Variants in OPCML observed in about 807,000 individuals in gnomAD.
The protein encoded by OPCML is opioid-binding protein/cell adhesion molecule.
Under a neutral mutation model 37.8 loss-of-function variants are expected in OPCML, and 13 were observed. The ratio of observed to expected loss-of-function variants is 0.34; its 90% CI spans 0.22 to 0.55. The LOEUF is 0.55. Among genes scored for constraint, OPCML ranks in the 20% least tolerant of loss-of-function variants. The pLI is 0.91. For missense variants in OPCML, 341 were observed against 435.6 expected, an observed-to-expected ratio of 0.78 and a Z score of 1.93; for synonymous variants, 176 against 168.8, an observed-to-expected ratio of 1.04 and a Z score of -0.33.
At chr11:132,780,773 TC>T (rs1178766673) in intron 2 of OPCML, among the ~76,000 whole-genome samples, 1 of 152,202 alleles carries the variant, frequency 6.6e-6, no homozygotes, top group African/African-American at 2.4e-5. Context: ...CTGAATTATT[TC>T]ATTTATATTT....
chr11:132,807,023 G>A (rs917922990), intron 2 of OPCML, among the ~76,000 whole-genome samples: 17 of 152,078 alleles, frequency 1.1e-4, no homozygotes, highest in South Asian at 4.1e-4. Context: ...TGCCCCTAAC[G>A]GAATGCTCGC....
chr11:132,465,359 G>A (rs989201769), intron 4 of OPCML, among the ~76,000 whole-genome samples: 41 of 152,136 alleles, frequency 2.7e-4, no homozygotes, highest in African/African-American at 9.6e-4. Flanking sequence ...TCACAACAAA[G>A]CCACATGTTA....
intron 1 of OPCML, among the ~76,000 whole-genome samples, chr11:133,517,152 C>T (rs1948296884): frequency 6.6e-6 from 1 of 152,220 alleles, no homozygotes; most frequent in Non-Finnish European, 1.5e-5. Flanking sequence ...TGCTTGTCCT[C>T]AAGGGTCCTC....
chr11:132,474,157 A>G (rs1198135014), intron 4 of OPCML, among the ~76,000 whole-genome samples: 2 of 152,168 alleles, frequency 1.3e-5, no homozygotes, highest in South Asian at 2.1e-4. Context: ...AATCATATTC[A>G]TAAAATCATA....
chr11:132,831,816 G>C (rs1375540460), intron 2 of OPCML, among the ~76,000 whole-genome samples: 1 of 151,918 alleles, frequency 6.6e-6, no homozygotes, highest in Non-Finnish European at 1.5e-5. Flanking sequence ...TGTGGCAATA[G>C]AGATCTTTAT....
At chr11:133,059,788 C>T (rs1298112750) in intron 1 of OPCML, among the ~76,000 whole-genome samples, 3 of 152,040 alleles carry the variant, frequency 2.0e-5, no homozygotes, top group East Asian at 1.9e-4. Flanking sequence ...GAAGGATGGA[C>T]GATGTGTTAT....
At chr11:133,333,367 G>A (rs911841491) in intron 1 of OPCML, among the ~76,000 whole-genome samples, 2 of 150,332 alleles carry the variant, frequency 1.3e-5, no homozygotes, top group African/African-American at 4.9e-5. Flanking sequence ...TTTTAACAAA[G>A]CTGACAAAAA....
At chr11:133,156,474 C>A (rs894083954) in intron 1 of OPCML, among the ~76,000 whole-genome samples, 9 of 152,222 alleles carry the variant, frequency 5.9e-5, no homozygotes, top group Non-Finnish European at 1.2e-4. Flanking sequence ...AGAGACCAGC[C>A]AGCTGAGCAC....
chr11:132,546,852 T>C (rs1460814474), intron 3 of OPCML, among the ~76,000 whole-genome samples: 2 of 152,218 alleles, frequency 1.3e-5, no homozygotes, highest in Non-Finnish European at 2.9e-5. Context: ...TCTCATACAC[T>C]GCACATTGCA....
rs149155415 is a variant in OPCML, at chr11:132,648,650, C to T, written c.379+8437G>A. Among the ~76,000 whole-genome samples the T allele has an allele frequency of 1.8e-4, 27 of 152,042 alleles. 1 individual carries two copies. The South Asian group carries it at 4.0e-3, about 22-fold the overall frequency. On this transcript the variant is annotated intron_variant, in intron 3 of 7. Transcript: ENST00000524381. The stretch of plus-strand genomic sequence containing the variant: ...CTGAGTAGCTGGGACTACGGGCGCA[C>T]GCCACCATGCCCAGCTAATTTTTTC...
intron 2 of OPCML, among the ~76,000 whole-genome samples, chr11:132,775,326 C>T (rs180780331): frequency 1.1e-4 from 16 of 152,254 alleles, no homozygotes; most frequent in Admixed American, 5.9e-4. Flanking sequence ...ATTTGCATTG[C>T]GTGATTATAA....
At chr11:132,818,344 G>A (rs1293864133) in intron 2 of OPCML, among the ~76,000 whole-genome samples, 1 of 151,774 alleles carries the variant, frequency 6.6e-6, no homozygotes, top group Non-Finnish European at 1.5e-5. Context: ...TTAAATCAGT[G>A]GGCTTTGAGC....
chr11:132,526,831 A>G (rs1193232217), intron 4 of OPCML, among the ~76,000 whole-genome samples: 1 of 152,096 alleles, frequency 6.6e-6, no homozygotes, highest in African/African-American at 2.4e-5. Flanking sequence ...AACCTTCAAG[A>G]TACAGAACTT....
In OPCML at chr11:133,208,836, C is replaced by A. The variant is rs1021151721; in HGVS notation, c.62-265826G>T. ...AAGACTTCATTCCCTATAAATCACG[C>A]TATTCCATGACTACCTATTCTAACT... On this transcript the variant is annotated intron_variant, in intron 1 of 7. Transcript: ENST00000524381. This position sits in a 1 kb window ranked among gnomAD's most constrained non-coding sequence, Gnocchi z 8.9. Among the ~76,000 whole-genome samples the A allele has an allele frequency of 1.3e-5, 2 of 152,184 alleles. No homozygotes were observed. Among genetic ancestry groups the A allele is most frequent in the African/African-American group, 4.8e-5 (2 of 41,434 alleles).
At chr11:132,900,540 T>G (rs920669365) in intron 2 of OPCML, among the ~76,000 whole-genome samples, 1 of 152,162 alleles carries the variant, frequency 6.6e-6, no homozygotes, top group Non-Finnish European at 1.5e-5. Flanking sequence ...ATTTTTCATG[T>G]CATCATTCTC....
intron 2 of OPCML, among the ~76,000 whole-genome samples, chr11:132,869,037 C>T (rs979836335): frequency 2.0e-5 from 3 of 152,100 alleles, no homozygotes; most frequent in Non-Finnish European, 4.4e-5. Flanking sequence ...GAGGCATTCT[C>T]CGAATGTGGG....
intron 1 of OPCML, among the ~76,000 whole-genome samples, chr11:133,460,448 T>C (rs919467209): frequency 4.6e-5 from 7 of 151,748 alleles, no homozygotes; most frequent in Admixed American, 2.0e-4. Flanking sequence ...ATTAGCAACA[T>C]TGACAAACTT....
chr11:133,099,438 T>C (rs1010858433), intron 1 of OPCML, among the ~76,000 whole-genome samples: 1 of 118,428 alleles, frequency 8.4e-6, no homozygotes, highest in African/African-American at 3.0e-5. Flanking sequence ...AATTTTCTTT[T>C]TTTCTTTTTT....
intron 3 of OPCML, among the ~76,000 whole-genome samples, chr11:132,603,749 T>C (rs1349921053): frequency 6.6e-6 from 1 of 152,226 alleles, no homozygotes. Context: ...TCCTACCTGA[T>C]TGTACTCTAG....
Sources: gnomAD v4.1 joint callset for allele counts (sites outside exome capture counted in the v4.1 genomes callset) on GRCh38, gnomAD v4.1.1 for gene constraint, Gnocchi (gnomAD v3.1) non-coding constraint, MANE v1.5 for transcripts, NCBI Gene and HGNC (gene_info 2026-07-23, HGNC 2026-07-21) for gene names.